The following EBF1 variants were observed in gnomAD, a reference collection of about 807,000 sequenced individuals.
The protein encoded by EBF1 is EBF transcription factor 1.
A neutral mutation model predicts 68.4 loss-of-function variants in EBF1; 10 were observed. That is an observed-to-expected ratio of 0.15 (90% CI 0.09 to 0.25). The LOEUF (loss-of-function observed/expected upper bound fraction) is 0.25, where lower values mean the gene tolerates loss of function less well. Ranked by LOEUF, EBF1 falls within the 10% of genes least tolerant of loss-of-function variation. EBF1 has a pLI of 1.00. For missense variants in EBF1, 509 were observed against 794.4 expected (o/e 0.64, Z 4.32); for synonymous variants, 298 against 299.8 (o/e 0.99, Z 0.06).
intron 6 of EBF1, among the ~76,000 whole-genome samples, chr5:159,037,950 G>T (rs1349609078): frequency 6.6e-6 from 1 of 152,114 alleles, no homozygotes; most frequent in Non-Finnish European, 1.5e-5. Context: ...AATTTGCAGG[G>T]ACTGTTTCTG....
intron 6 of EBF1, among the ~76,000 whole-genome samples, chr5:158,948,659 C>T (rs1227711247): frequency 6.6e-6 from 1 of 152,182 alleles, no homozygotes; most frequent in Non-Finnish European, 1.5e-5. Flanking sequence ...TGAGAAGAGG[C>T]CGGTCTGCGC....
chr5:158,987,841 C>T (rs1000733751), intron 6 of EBF1, among the ~76,000 whole-genome samples: 10 of 152,308 alleles, frequency 6.6e-5, no homozygotes, highest in African/African-American at 2.4e-4. Flanking sequence ...GAAGCAATTG[C>T]AACCAAGGCT....
rs1200409970 is a variant in EBF1, at chr5:158,731,182, A to T, written c.1037-25T>A. ...GCTGCAATAAAGAAGTCACACAATT[A>T]GTACATTTTCAAGAAATAAAGCTGA... is the stretch of plus-strand genomic sequence containing the variant. On this transcript the variant is annotated intron_variant, in intron 10 of 15. Coordinates refer to ENST00000313708, the MANE Select transcript of EBF1 (RefSeq NM_024007.5). The T allele has an allele frequency of 3.1e-6, 5 of 1,607,414 alleles. No individual in the cohort carries two copies. The African/African-American group carries it at 6.7e-5, about 21-fold the overall frequency.
chr5:158,813,190 T>C (rs1300772607), intron 8 of EBF1, among the ~76,000 whole-genome samples: 1 of 152,210 alleles, frequency 6.6e-6, no homozygotes, highest in Non-Finnish European at 1.5e-5. Context: ...AACTTTAGTC[T>C]TGCCCTAAGC....
intron 6 of EBF1, among the ~76,000 whole-genome samples, chr5:158,911,433 C>CA (rs1341857294): frequency 6.6e-5 from 10 of 151,914 alleles, no homozygotes; most frequent in Non-Finnish European, 1.0e-4. Flanking sequence ...AGACAATTAA[C>CA]AAAAAATGTC....
At chr5:158,738,022 T>C (rs1360011820) in intron 10 of EBF1, among the ~76,000 whole-genome samples, 1 of 152,196 alleles carries the variant, frequency 6.6e-6, no homozygotes, top group Non-Finnish European at 1.5e-5. Flanking sequence ...AATGTTAACA[T>C]AATTATTATA....
intron 8 of EBF1, among the ~76,000 whole-genome samples, chr5:158,821,302 C>T (rs1293706738): frequency 6.6e-6 from 1 of 152,166 alleles, no homozygotes; most frequent in Non-Finnish European, 1.5e-5. Context: ...AAGACCTAGT[C>T]CTTTATCATG....
chr5:158,854,970 T>C (rs1562127828), intron 6 of EBF1, among the ~76,000 whole-genome samples: 2 of 152,150 alleles, frequency 1.3e-5, no homozygotes, highest in African/African-American at 4.8e-5. Flanking sequence ...TACAGATGAA[T>C]GTACTGAGGC....
At chr5:158,752,610 A>G (rs1040834174) in intron 10 of EBF1, among the ~76,000 whole-genome samples, 10 of 152,104 alleles carry the variant, frequency 6.6e-5, no homozygotes, top group African/African-American at 2.2e-4. Context: ...TTCGTTACTG[A>G]GTGAGGGAGG....
intron 6 of EBF1, among the ~76,000 whole-genome samples, chr5:159,059,009 C>T (rs778149992): frequency 1.3e-5 from 2 of 152,214 alleles, no homozygotes; most frequent in Non-Finnish European, 2.9e-5. Flanking sequence ...CCACTTCTGC[C>T]ATGTAGCCAC....
chr5:158,978,835 C>CACACACACAG (rs753714441), intron 6 of EBF1, among the ~76,000 whole-genome samples: 21 of 146,930 alleles, frequency 1.4e-4, no homozygotes, highest in Admixed American at 4.0e-4. Context: ...CACACACACA[C>CACACACACAG]AGAGAGAGAG....
At position 159,056,962 on chromosome 5, in the gene EBF1, T is replaced by C. The variant is rs17056491; in HGVS notation, c.554+16434A>G. 6.2e-3 allele frequency among the ~76,000 whole-genome samples: 951 copies of C among 152,304 alleles called. 10 individuals carry two copies. Among genetic ancestry groups the C allele is most frequent in the African/African-American group, 0.022 (907 of 41,554 alleles). On this transcript the variant is annotated intron_variant, in intron 6 of 15. Transcript: ENST00000313708. ...AAAATTGCAATTTGTCGCACGGTGT[T>C]ATATGACATAGTATGAACAAGCACA...
chr5:158,823,349 T>C (rs1250317558), intron 7 of EBF1, 32 bp from the exon 8 acceptor site: 10 of 1,583,504 alleles, frequency 6.3e-6, no homozygotes, highest in Non-Finnish European at 8.6e-6. Flanking sequence ...GAATGAACAT[T>C]TTAATATAAA....
At chr5:158,933,419 A>T (rs1180458547) in intron 6 of EBF1, among the ~76,000 whole-genome samples, 1 of 152,224 alleles carries the variant, frequency 6.6e-6, no homozygotes, top group Non-Finnish European at 1.5e-5. Context: ...AATAAATTGT[A>T]TGCTTAACAT....
intron 6 of EBF1, among the ~76,000 whole-genome samples, chr5:158,883,383 TATAC>T (rs1409249291): frequency 4.0e-5 from 6 of 151,412 alleles, no homozygotes; most frequent in Non-Finnish European, 7.4e-5. Context: ...CATGTATATA[TATAC>T]ATACATACAT....
At chr5:158,749,401 T>A (rs1457228582) in intron 10 of EBF1, among the ~76,000 whole-genome samples, 1 of 152,154 alleles carries the variant, frequency 6.6e-6, no homozygotes, top group East Asian at 1.9e-4. Flanking sequence ...AATCTAATAG[T>A]CTTCCCCTTG....
In EBF1 at chr5:158,919,419, A is replaced by G. The variant is rs142978911; in HGVS notation, c.555-79309T>C. 1.8e-3 allele frequency among the ~76,000 whole-genome samples: 277 copies of G among 152,280 alleles called. 1 individual carries two copies. Among genetic ancestry groups the G allele is most frequent in the African/African-American group, 6.5e-3 (271 of 41,548 alleles). On this transcript the variant is annotated intron_variant, in intron 6 of 15. Coordinates refer to ENST00000313708, the MANE Select transcript of EBF1 (RefSeq NM_024007.5). ...CAGTGAGAACAATCTTGATGCCTGCAATATTTTAATCTATAACATGGGATG... is the reference window on the plus strand; with the variant it reads ...CAGTGAGAACAATCTTGATGCCTGCGATATTTTAATCTATAACATGGGATG...
chr5:158,871,593 T>C (rs1796879990), intron 6 of EBF1, among the ~76,000 whole-genome samples: 1 of 152,228 alleles, frequency 6.6e-6, no homozygotes, highest in Non-Finnish European at 1.5e-5. Context: ...AATGATGCTC[T>C]GACTTTATAA....
chr5:159,043,954 A>G (rs567569057), intron 6 of EBF1, among the ~76,000 whole-genome samples: 2 of 152,204 alleles, frequency 1.3e-5, no homozygotes, highest in Non-Finnish European at 2.9e-5. Context: ...CATAATTGTG[A>G]CCCTAATTCA....
Sources: allele counts gnomAD v4.1 joint callset (sites outside exome capture counted in the v4.1 genomes callset), GRCh38; gene constraint gnomAD v4.1.1; transcripts MANE v1.5; gene names NCBI Gene and HGNC (gene_info 2026-07-23, HGNC 2026-07-21).